The following CRACR2A variants were observed in gnomAD, a reference collection of about 807,000 sequenced individuals.
CRACR2A encodes calcium release activated channel regulator 2A.
In CRACR2A, 79 loss-of-function variants were observed where a neutral mutation model predicts 90.5. The observed-to-expected ratio is 0.87, with a 90% confidence interval of 0.73 to 1.05. The LOEUF (loss-of-function observed/expected upper bound fraction) is 1.05, where lower values mean the gene tolerates loss of function less well. CRACR2A is among the 50% of genes least tolerant of loss of function. The pLI is 0.00. For synonymous variants in CRACR2A, 338 were observed against 356.7 expected (o/e 0.95, Z 0.59); for missense variants, 823 against 897.2 (o/e 0.92, Z 1.06).
intron 1 of CRACR2A, among the ~76,000 whole-genome samples, chr12:3,750,747 C>A (rs375193398): frequency 6.6e-6 from 1 of 152,194 alleles, no homozygotes; most frequent in Non-Finnish European, 1.5e-5. Flanking sequence ...CCCCTAGCTT[C>A]TCTCAGCTGC....
At chr12:3,623,932 C>T (rs1233437199) in intron 17 of CRACR2A, among the ~76,000 whole-genome samples, 2 of 152,228 alleles carry the variant, frequency 1.3e-5, no homozygotes, top group Admixed American at 6.5e-5. Flanking sequence ...CCTGCTCCGT[C>T]TTGGCCTCCC....
intron 3 of CRACR2A, among the ~76,000 whole-genome samples, chr12:3,706,139 C>T (rs921519952): frequency 1.3e-5 from 2 of 152,164 alleles, no homozygotes; most frequent in East Asian, 3.8e-4. Context: ...TGGGGGGAAA[C>T]GTGGGGTTTC....
chr12:3,621,396 CTTTTTT>C (rs796347863), intron 17 of CRACR2A, among the ~76,000 whole-genome samples: 1 of 133,888 alleles, frequency 7.5e-6, no homozygotes, highest in Admixed American at 7.5e-5. Flanking sequence ...CAGGTTTCTT[CTTTTTT>C]TTTTTTTTTG....
chr12:3,720,396 A>G (rs1156456065), intron 2 of CRACR2A, among the ~76,000 whole-genome samples: 3 of 103,990 alleles, frequency 2.9e-5, no homozygotes, highest in Non-Finnish European at 4.0e-5. Context: ...GGAGGGGGGG[A>G]GGGACGGAGT....
At chr12:3,714,566 C>A (rs1318752640) in intron 2 of CRACR2A, among the ~76,000 whole-genome samples, 1 of 152,118 alleles carries the variant, frequency 6.6e-6, no homozygotes, top group Non-Finnish European at 1.5e-5. Context: ...GAGAAACTCA[C>A]TTAGAAAAAA....
At chr12:3,669,536 C>A (rs1023370130) in intron 7 of CRACR2A, among the ~76,000 whole-genome samples, 2 of 152,160 alleles carry the variant, frequency 1.3e-5, no homozygotes, top group African/African-American at 4.8e-5. Flanking sequence ...AACCTCTGTG[C>A]AAAAGGACAA....
intron 2 of CRACR2A, chr12:3,726,559 C>T (rs1191463572): frequency 6.6e-6 from 1 of 152,026 alleles, no homozygotes; most frequent in African/African-American, 2.4e-5. Context: ...GAGTTACCCC[C>T]CTTTCCTGGC....
intron 3 of CRACR2A, among the ~76,000 whole-genome samples, chr12:3,698,196 G>T (rs1945775709): frequency 6.6e-6 from 1 of 152,008 alleles, no homozygotes. Flanking sequence ...TTTTCCATCT[G>T]AAGACTTTTT....
intron 14 of CRACR2A, among the ~76,000 whole-genome samples, chr12:3,635,640 T>G (rs965413403): frequency 1.3e-5 from 2 of 152,146 alleles, no homozygotes; most frequent in East Asian, 3.9e-4. Context: ...GGAGTAGCTA[T>G]GACTACAGGT....
chr12:3,704,418 G>A (rs558651637), intron 3 of CRACR2A, among the ~76,000 whole-genome samples: 1 of 152,140 alleles, frequency 6.6e-6, no homozygotes, highest in Non-Finnish European at 1.5e-5. Flanking sequence ...ATTTTGGGGG[G>A]TGTGGATATG....
At chr12:3,743,414 G>A (rs1258348870) in intron 1 of CRACR2A, among the ~76,000 whole-genome samples, 1 of 152,172 alleles carries the variant, frequency 6.6e-6, no homozygotes, top group Non-Finnish European at 1.5e-5. Flanking sequence ...CTGATACGGC[G>A]TCGGCGGCTT....
chr12:3,622,536 CTT>C (rs1270340626), intron 17 of CRACR2A, among the ~76,000 whole-genome samples: 1 of 152,188 alleles, frequency 6.6e-6, no homozygotes, highest in African/African-American at 2.4e-5. Flanking sequence ...CCATCTCTGA[CTT>C]TAAATAACAA....
rs559246893 is a variant in CRACR2A, at chr12:3,684,937, G to C, written c.229-4588C>G. 2.0e-5 allele frequency among the ~76,000 whole-genome samples: 3 copies of C among 152,334 alleles called. No homozygotes were observed. In the East Asian group the frequency reaches 5.8e-4, roughly 29 times the overall value. On this transcript the variant is annotated intron_variant, in intron 4 of 19. Transcript: ENST00000440314. Reference sequence around the variant, plus strand: ...ACGCAGCTGTGTGTGGGAGCCGCCAGATTAAGTAGCCAAGACAGGGCGGAC... The same window carrying C: ...ACGCAGCTGTGTGTGGGAGCCGCCACATTAAGTAGCCAAGACAGGGCGGAC...
chr12:3,628,062 C>CCTCCCTCT (rs1298701086), intron 15 of CRACR2A, among the ~76,000 whole-genome samples: 2 of 131,620 alleles, frequency 1.5e-5, no homozygotes, highest in Non-Finnish European at 3.2e-5. Flanking sequence ...TCTCTCTTTC[C>CCTCCCTCT]CTCCCTCTCT....
intron 3 of CRACR2A, among the ~76,000 whole-genome samples, chr12:3,705,485 A>G (rs1945902176): frequency 6.6e-6 from 1 of 152,226 alleles, no homozygotes; most frequent in Admixed American, 6.5e-5. Flanking sequence ...CCGCTAAGTC[A>G]TCCAGATTTC....
intron 3 of CRACR2A, among the ~76,000 whole-genome samples, chr12:3,712,307 G>C (rs937033614): frequency 6.6e-6 from 1 of 151,996 alleles, no homozygotes; most frequent in Non-Finnish European, 1.5e-5. Flanking sequence ...AGAAATACTC[G>C]AGACTGGGTA....
intron 3 of CRACR2A, among the ~76,000 whole-genome samples, chr12:3,708,456 A>C (rs766021001): frequency 1.8e-4 from 28 of 151,878 alleles, no homozygotes; most frequent in Non-Finnish European, 3.5e-4. Flanking sequence ...ACGGAGTCTC[A>C]CTCAGTCGCC....
intron 2 of CRACR2A, 149 bp from the exon 3 acceptor site, chr12:3,713,466 C>A: frequency 5.0e-6 from 1 of 198,772 alleles, no homozygotes; most frequent in Non-Finnish European, 9.0e-6. Context: ...CTAATTCATC[C>A]TCTTCCAGGT....
chr12:3,630,109 G>A (rs1368606982), intron 15 of CRACR2A, among the ~76,000 whole-genome samples: 2 of 152,156 alleles, frequency 1.3e-5, no homozygotes, highest in Non-Finnish European at 2.9e-5. Flanking sequence ...ATCGGTAGAC[G>A]GCAGTGAGAT....
Sources: gnomAD v4.1 joint callset for allele counts (sites outside exome capture counted in the v4.1 genomes callset) on GRCh38, gnomAD v4.1.1 for gene constraint, MANE v1.5 for transcripts, NCBI Gene and HGNC (gene_info 2026-07-23, HGNC 2026-07-21) for gene names.